The following TMEM185A variants were observed in gnomAD, a reference collection of about 807,000 sequenced individuals.
TMEM185A encodes the protein family with sequence similarity 11, member A.
TMEM185A carries 9 observed loss-of-function variants against 25.0 expected under a neutral mutation model. That is an observed-to-expected ratio of 0.36 (90% CI 0.22 to 0.63). The LOEUF (loss-of-function observed/expected upper bound fraction) is 0.63, where lower values mean the gene tolerates loss of function less well. Ranked by LOEUF, TMEM185A falls within the 20% of genes least tolerant of loss-of-function variation. The pLI is 0.68. For missense variants in TMEM185A, 103 were observed against 237.4 expected (o/e 0.43, Z 3.72); for synonymous variants, 45 against 93.5 (o/e 0.48, Z 2.99).
chrX:149,631,735 T>TCGCCGCCGCCGCCGCCGCCGCCGC lies in TMEM185A; in HGVS notation c.-179_-156dup. ...GTCCCCGCTGCCGTCGCCGTCGCCG[T>TCGCCGCCGCCGCCGCCGCCGCCGC]CGCCGCCGCCGCCGCCGCCGCCGCC... On this transcript the variant is annotated 5_prime_UTR_variant, in exon 1 of 7. Coordinates refer to ENST00000600449, the MANE Select transcript of TMEM185A (RefSeq NM_032508.4). The TCGCCGCCGCCGCCGCCGCCGCCGC allele has an allele frequency of 2.7e-4, 88 of 327,486 alleles. No individual in the cohort carries two copies. The highest frequency in any genetic ancestry group is 8.4e-4 in the East Asian group (11 of 13,152). 27.0% of individuals were successfully genotyped at this position (327,486 alleles called of 1,213,427 possible). A position where few individuals can be genotyped will look rare whatever the true frequency, so the allele number is the denominator to read the frequency against.
At position 149,631,725 on chromosome X, in the gene TMEM185A, G is replaced by T; in HGVS notation, c.-145C>A. 2.1e-6 allele frequency: 1 copy of T among 469,672 alleles called. No homozygotes were observed. The highest frequency in any genetic ancestry group is 3.0e-6 in the Non-Finnish European group (1 of 335,566). 38.7% of individuals were successfully genotyped at this position (469,672 alleles called of 1,213,427 possible). A position where few individuals can be genotyped will look rare whatever the true frequency, so the allele number is the denominator to read the frequency against. ...TACTGCTGCCGTCCCCGCTGCCGTC[G>T]CCGTCGCCGTCGCCGCCGCCGCCGC... On this transcript the variant is annotated 5_prime_UTR_variant, in exon 1 of 7. Transcript: ENST00000600449.
At chrX:149,611,081 AC>A (rs1481486226) in intron 2 of TMEM185A, among the ~76,000 whole-genome samples, 4 of 111,629 alleles carry the variant, frequency 3.6e-5, no homozygotes, top group Admixed American at 1.9e-4. Flanking sequence ...CTGGCAACTT[AC>A]CCCCAAATGG....
rs1205016798 is a variant in TMEM185A, at chrX:149,597,224, G to C, written c.*787C>G. ...CCATGAAGGCGTGGCACCCCACGGG[G>C]GGGGGGGGAGTGTGCCACGGGCGTC... On this transcript the variant is annotated 3_prime_UTR_variant, in exon 7 of 7. Transcript: ENST00000600449. 5 of 82,160 alleles carry C rather than the reference G, an allele frequency of 6.1e-5. No individual in the cohort carries two copies. The highest frequency in any genetic ancestry group is 1.4e-4 in the Non-Finnish European group (5 of 36,618). 6.8% of individuals were successfully genotyped at this position (82,160 alleles called of 1,213,427 possible).
chrX:149,631,635 A>C lies in TMEM185A; in HGVS notation c.-55T>G, dbSNP rs1392548902. ...CCTCCTCCCCCGCACCCCGTGCTGCACAGCCTGCGCCTTACAGCGGGTTCA... is the reference window on the plus strand; with the variant it reads ...CCTCCTCCCCCGCACCCCGTGCTGCCCAGCCTGCGCCTTACAGCGGGTTCA... On this transcript the variant is annotated 5_prime_UTR_variant, in exon 1 of 7. Coordinates refer to ENST00000600449, the MANE Select transcript of TMEM185A (RefSeq NM_032508.4). The C allele has an allele frequency of 2.5e-5, 27 of 1,092,277 alleles. No individual in the cohort carries two copies. Among genetic ancestry groups the C allele is most frequent in the Middle Eastern group, 2.5e-4 (1 of 4,012 alleles). 90.0% of individuals were successfully genotyped at this position (1,092,277 alleles called of 1,213,427 possible).
intron 1 of TMEM185A, among the ~76,000 whole-genome samples, chrX:149,627,980 C>T (rs1445559324): frequency 8.9e-6 from 1 of 112,269 alleles, no homozygotes; most frequent in Non-Finnish European, 1.9e-5. Flanking sequence ...CTTATATGGA[C>T]TCCAGAATGT....
intron 3 of TMEM185A, among the ~76,000 whole-genome samples, chrX:149,606,287 G>A (rs782321503): frequency 2.7e-5 from 3 of 112,486 alleles, no homozygotes; most frequent in South Asian, 3.7e-4. Flanking sequence ...TTAAAGATAC[G>A]ACGTCACTGA....
At chrX:149,617,742 C>T (rs1193374659) in intron 1 of TMEM185A, among the ~76,000 whole-genome samples, 1 of 112,089 alleles carries the variant, frequency 8.9e-6, no homozygotes, top group African/African-American at 3.2e-5. Flanking sequence ...TTCCAAGAAG[C>T]TTTATTCATA....
At chrX:149,620,309 C>A (rs1215707043) in intron 1 of TMEM185A, among the ~76,000 whole-genome samples, 1 of 112,116 alleles carries the variant, frequency 8.9e-6, no homozygotes, top group Non-Finnish European at 1.9e-5. Flanking sequence ...ATGAAAACAG[C>A]AGCTTGTAAC....
intron 1 of TMEM185A, among the ~76,000 whole-genome samples, chrX:149,613,330 CAG>C (rs782816536): frequency 8.9e-6 from 1 of 112,088 alleles, no homozygotes; most frequent in East Asian, 2.8e-4. Context: ...AGGCAGAAGT[CAG>C]AGAGATTCCA....
At chrX:149,605,550 TA>T (rs1557353280) in intron 3 of TMEM185A, among the ~76,000 whole-genome samples, 2 of 104,792 alleles carry the variant, frequency 1.9e-5, no homozygotes, top group African/African-American at 7.7e-5. Flanking sequence ...TCACTTTCTA[TA>T]GCCTCCCATG....
At chrX:149,615,876 C>T (rs1385658300) in intron 1 of TMEM185A, among the ~76,000 whole-genome samples, 1 of 112,073 alleles carries the variant, frequency 8.9e-6, no homozygotes, top group Non-Finnish European at 1.9e-5. Context: ...AGCTAATAAA[C>T]AACAGAAATT....
intron 1 of TMEM185A, among the ~76,000 whole-genome samples, chrX:149,616,580 G>A (rs2090111518): frequency 1.8e-5 from 2 of 111,673 alleles, no homozygotes; most frequent in Admixed American, 1.9e-4. Context: ...TCTTTTAAGG[G>A]AACCTGTGAT....
At chrX:149,604,545 A>G (rs1317224529) in intron 3 of TMEM185A, among the ~76,000 whole-genome samples, 1 of 110,345 alleles carries the variant, frequency 9.1e-6, no homozygotes, top group African/African-American at 3.3e-5. Flanking sequence ...TGTATCTTTA[A>G]CCCCACCTAT....
At chrX:149,604,411 C>G (rs1557352978) in intron 3 of TMEM185A, among the ~76,000 whole-genome samples, 3 of 111,931 alleles carry the variant, frequency 2.7e-5, no homozygotes, top group African/African-American at 3.3e-5. Flanking sequence ...ACAATACTGT[C>G]TACTCGAAAC....
At chrX:149,626,386 T>C (rs1404317615) in intron 1 of TMEM185A, among the ~76,000 whole-genome samples, 2 of 112,436 alleles carry the variant, frequency 1.8e-5, no homozygotes, top group African/African-American at 6.5e-5. Context: ...CTATTTGCAG[T>C]AACTATGTAT....
chrX:149,607,658 C>CATCT (rs1227166853), intron 3 of TMEM185A, among the ~76,000 whole-genome samples: 1 of 112,422 alleles, frequency 8.9e-6, no homozygotes, highest in Non-Finnish European at 1.9e-5. Context: ...AAGGGCTTGG[C>CATCT]ATCTAGTAAA....
chrX:149,615,239 T>A (rs2090104243), intron 1 of TMEM185A, among the ~76,000 whole-genome samples: 1 of 112,190 alleles, frequency 8.9e-6, no homozygotes, highest in Non-Finnish European at 1.9e-5. Context: ...CATATGATCA[T>A]CTCAATAGTT....
intron 1 of TMEM185A, among the ~76,000 whole-genome samples, chrX:149,611,814 G>A (rs1170620268): frequency 9.0e-6 from 1 of 111,533 alleles, no homozygotes; most frequent in Non-Finnish European, 1.9e-5. Flanking sequence ...GTTCCAGAGG[G>A]CAAGTAGGAA....
chrX:149,612,351 T>C (rs1557354615), intron 1 of TMEM185A, among the ~76,000 whole-genome samples: 8 of 111,906 alleles, frequency 7.1e-5, no homozygotes, highest in Non-Finnish European at 1.5e-4. Context: ...AACTCAACCC[T>C]GTCAATAACT....
Sources: gnomAD v4.1 joint callset for allele counts (sites outside exome capture counted in the v4.1 genomes callset) on GRCh38, gnomAD v4.1.1 for gene constraint, MANE v1.5 for transcripts, NCBI Gene and HGNC (gene_info 2026-07-23, HGNC 2026-07-21) for gene names.